ROR1: variants seen among roughly 807,000 people sequenced by gnomAD.
The protein encoded by ROR1 is inactive tyrosine-protein kinase transmembrane receptor ROR1.
A neutral mutation model predicts 78.8 loss-of-function variants in ROR1; 19 were observed. The ratio of observed to expected loss-of-function variants is 0.24; its 90% CI spans 0.17 to 0.35. ROR1 has a LOEUF of 0.35. ROR1 is among the 10% of genes least tolerant of loss of function. The probability of loss-of-function intolerance (pLI) is 1.00; values close to 1 mark genes in which losing one functional copy is unlikely to be tolerated. For missense variants in ROR1, 917 were observed against 1,177.8 expected, an observed-to-expected ratio of 0.78 and a Z score of 3.24; for synonymous variants, 386 against 433.6, an observed-to-expected ratio of 0.89 and a Z score of 1.36.
intron 4 of ROR1, among the ~76,000 whole-genome samples, chr1:64,093,041 G>A (rs1647215663): frequency 6.6e-6 from 1 of 152,188 alleles, no homozygotes; most frequent in Non-Finnish European, 1.5e-5. Context: ...CTCTTGAGCT[G>A]TCCTCTGTTG....
chr1:63,905,369 A>G (rs900706298), intron 1 of ROR1, among the ~76,000 whole-genome samples: 9 of 152,144 alleles, frequency 5.9e-5, no homozygotes, highest in African/African-American at 1.4e-4. Flanking sequence ...GTTTTGCCTT[A>G]CTACAGACCT....
intron 4 of ROR1, among the ~76,000 whole-genome samples, chr1:64,077,707 C>T (rs1647063031): frequency 6.6e-6 from 1 of 152,266 alleles, no homozygotes; most frequent in African/African-American, 2.4e-5. Flanking sequence ...GGGAGGCAGC[C>T]TCAGGGAACA....
intron 4 of ROR1, among the ~76,000 whole-genome samples, chr1:64,068,725 C>T (rs904825498): frequency 2.0e-5 from 3 of 152,094 alleles, no homozygotes; most frequent in Non-Finnish European, 4.4e-5. Context: ...AGAGTACCAT[C>T]CATTGTGATA....
intron 1 of ROR1, among the ~76,000 whole-genome samples, chr1:63,890,970 A>G (rs997583190): frequency 6.6e-6 from 1 of 152,178 alleles, no homozygotes; most frequent in Admixed American, 6.5e-5. Context: ...TCTCAATGCC[A>G]TGACTAATAG....
chr1:63,840,300 A>G (rs1390156201), intron 1 of ROR1, among the ~76,000 whole-genome samples: 1 of 141,642 alleles, frequency 7.1e-6, no homozygotes, highest in East Asian at 2.2e-4. Context: ...TTTTTTTGAG[A>G]TGGAGTTTCA....
chr1:63,794,586 A>G (rs1286912061), intron 1 of ROR1, among the ~76,000 whole-genome samples: 2 of 152,202 alleles, frequency 1.3e-5, no homozygotes, highest in African/African-American at 4.8e-5. Flanking sequence ...ATCAGAGGCC[A>G]GAGGGCGGCT....
chr1:63,990,220 T>G (rs1404000178), intron 1 of ROR1, among the ~76,000 whole-genome samples: 1 of 152,152 alleles, frequency 6.6e-6, no homozygotes, highest in Non-Finnish European at 1.5e-5. Context: ...GAGCCTTTTC[T>G]GTTGCTGAAG....
chr1:63,884,175 T>C (rs1326985107), intron 1 of ROR1, among the ~76,000 whole-genome samples: 1 of 152,190 alleles, frequency 6.6e-6, no homozygotes, highest in Non-Finnish European at 1.5e-5. Context: ...GCAGTTGGAC[T>C]CTTCGTACCC....
chr1:64,133,169 G>C (rs1648981333), intron 4 of ROR1, among the ~76,000 whole-genome samples: 1 of 152,154 alleles, frequency 6.6e-6, no homozygotes, highest in Non-Finnish European at 1.5e-5. Context: ...TTCACAAGGA[G>C]AACGAGGGGG....
intron 1 of ROR1, among the ~76,000 whole-genome samples, chr1:63,880,806 G>A (rs529812446): frequency 3.9e-5 from 6 of 152,100 alleles, no homozygotes; most frequent in East Asian, 1.9e-4. Flanking sequence ...ATCCATCCAC[G>A]CAGTAAATAT....
intron 1 of ROR1, among the ~76,000 whole-genome samples, chr1:63,825,095 G>A (rs917659238): frequency 2.0e-5 from 3 of 152,108 alleles, no homozygotes; most frequent in Non-Finnish European, 4.4e-5. Flanking sequence ...AATCTAAAAT[G>A]GTGCAGCCAC....
chr1:64,030,007 C>T (rs891571450), intron 2 of ROR1, among the ~76,000 whole-genome samples: 1 of 152,118 alleles, frequency 6.6e-6, no homozygotes, highest in African/African-American at 2.4e-5. Context: ...TTTAGTTGCC[C>T]TTTCACCTAC....
At chr1:63,999,450 CA>C (rs1478138646) in intron 1 of ROR1, among the ~76,000 whole-genome samples, 1 of 152,172 alleles carries the variant, frequency 6.6e-6, no homozygotes, top group Non-Finnish European at 1.5e-5. Flanking sequence ...GCCTCATCAC[CA>C]AAATCTTTGG....
At chr1:63,952,593 C>T (rs1000990166) in intron 1 of ROR1, among the ~76,000 whole-genome samples, 3 of 152,130 alleles carry the variant, frequency 2.0e-5, no homozygotes, top group Non-Finnish European at 2.9e-5. Flanking sequence ...CCAGTGCTGC[C>T]TGGAGCTGGA....
At chr1:64,113,759 C>T (rs1208052769) in intron 4 of ROR1, 2 of 148,660 alleles carry the variant, frequency 1.3e-5, no homozygotes, top group African/African-American at 5.0e-5. Flanking sequence ...GACCCAGGTA[C>T]CAATTTATTC....
rs35198323 is a variant in ROR1 at position 64,096,908 on chromosome 1, GT to G, written c.483-40448del. Among the ~76,000 whole-genome samples the G allele has an allele frequency of 2.3e-3, 340 of 147,004 alleles. 1 individual carries two copies. The South Asian group carries it at 0.025, about 11-fold the overall frequency. On this transcript the variant is annotated intron_variant, in intron 4 of 8. Transcript: ENST00000371079. ...TTTCTCCACAACCTCACCAGCATCT[GT>G]TTTTTTTTTTTTAATAATAGCCATG...
chr1:63,997,201 T>C (rs773348088), intron 1 of ROR1, among the ~76,000 whole-genome samples: 6 of 152,300 alleles, frequency 3.9e-5, no homozygotes, highest in Non-Finnish European at 8.8e-5. Context: ...GCTGCACGTT[T>C]TTAGGGCTTG....
intron 1 of ROR1, among the ~76,000 whole-genome samples, chr1:63,892,512 A>G (rs1057401393): frequency 6.6e-6 from 1 of 152,150 alleles, no homozygotes; most frequent in African/African-American, 2.4e-5. Context: ...AACTATGTTT[A>G]TTGTATATTT....
intron 1 of ROR1, among the ~76,000 whole-genome samples, chr1:63,941,924 A>G (rs1055956982): frequency 6.6e-6 from 1 of 152,200 alleles, no homozygotes; most frequent in Non-Finnish European, 1.5e-5. Flanking sequence ...TAAGTACTTT[A>G]CATGCGTTAT....
Sources: allele counts gnomAD v4.1 joint callset (sites outside exome capture counted in the v4.1 genomes callset), GRCh38; gene constraint gnomAD v4.1.1; transcripts MANE v1.5; gene names NCBI Gene and HGNC (gene_info 2026-07-23, HGNC 2026-07-21).